The following AGPAT4 variants were observed in gnomAD, a reference collection of about 807,000 sequenced individuals.
AGPAT4 encodes the protein 1-acylglycerol-3-phosphate O-acyltransferase 4, also known as 1-acyl-sn-glycerol-3-phosphate acyltransferase delta.
In AGPAT4, 15 loss-of-function variants were observed where a neutral mutation model predicts 48.0. That is an observed-to-expected ratio of 0.31 (90% CI 0.21 to 0.48). The LOEUF is 0.48. AGPAT4 is among the 20% of genes least tolerant of loss of function. The pLI is 0.99. For missense variants in AGPAT4, 314 were observed against 482.5 expected (o/e 0.65, Z 3.27); for synonymous variants, 178 against 198.7 (o/e 0.90, Z 0.88).
At chr6:161,152,222 G>A (rs1779610546) in intron 5 of AGPAT4, among the ~76,000 whole-genome samples, 1 of 151,922 alleles carries the variant, frequency 6.6e-6, no homozygotes, top group African/African-American at 2.4e-5. Context: ...GAAGAGGGAT[G>A]AGGAAGCAAG....
At position 161,178,381 on chromosome 6, in the gene AGPAT4, C is replaced by A. The variant is rs571472730; in HGVS notation, c.179-11964G>T. ...GCTGCCGCCTTGCAGTTCGATCAGA[C>A]TTCTGTGCTAGCAATGAGCAAGGCT... On this transcript the variant is annotated intron_variant, in intron 2 of 8. Coordinates refer to ENST00000320285, the MANE Select transcript of AGPAT4 (RefSeq NM_020133.3). The surrounding 1 kb of genome is among the most constrained non-coding windows in gnomAD (Gnocchi z 5.1). Among the ~76,000 whole-genome samples the A allele has an allele frequency of 6.6e-6, 1 of 152,358 alleles. No homozygotes were observed. Among genetic ancestry groups the A allele is most frequent in the South Asian group, 2.1e-4 (1 of 4,830 alleles).
Position 161,149,535 on chromosome 6 carries a change from TTTTCTTTTC to T in AGPAT4, c.665-255_665-247del, listed in dbSNP as rs1431450395. Among the ~76,000 whole-genome samples, 28 of 152,112 alleles carry T rather than the reference TTTTCTTTTC, an allele frequency of 1.8e-4. 1 individual carries two copies. Among genetic ancestry groups the T allele is most frequent in the Non-Finnish European group, 2.9e-5 (2 of 68,030 alleles). The stretch of plus-strand genomic sequence containing the variant: ...GGTCATTGCTGAAGTCAGATCATTT[TTTTCTTTTC>T]TTTCTTTTCTTTTTTTTTGGAGATG... On this transcript the variant is annotated intron_variant, in intron 5 of 8. Coordinates refer to ENST00000320285, the MANE Select transcript of AGPAT4 (RefSeq NM_020133.3). The surrounding 1 kb of genome is among the most constrained non-coding windows in gnomAD (Gnocchi z 6.5).
Position 161,166,227 on chromosome 6 carries a change from G to A in AGPAT4, c.348+21C>T, listed in dbSNP as rs1300923633. 3.1e-6 allele frequency: 5 copies of A among 1,611,590 alleles called. No homozygotes were observed. The highest frequency in any genetic ancestry group is 4.2e-6 in the Non-Finnish European group (5 of 1,178,838). On this transcript the variant is annotated intron_variant, in intron 3 of 8. Coordinates refer to ENST00000320285, the MANE Select transcript of AGPAT4 (RefSeq NM_020133.3). This position sits in a 1 kb window ranked among gnomAD's most constrained non-coding sequence, Gnocchi z 6.7. ...AACCAGAGAAATGTGTGAGGCAGGG[G>A]GGAATGCACTTCTGACTTACCCCTA...
In AGPAT4 at chr6:161,177,194, G is replaced by A. The variant is rs967640365; in HGVS notation, c.179-10777C>T. ...CTGAATTTGAATGTTGGCCTGCCTT[G>A]ATAGGTTGGGGAAGTTATCCTGGAT... On this transcript the variant is annotated intron_variant, in intron 2 of 8. Transcript: ENST00000320285. This position sits in a 1 kb window ranked among gnomAD's most constrained non-coding sequence, Gnocchi z 5.0. Among the ~76,000 whole-genome samples the A allele has an allele frequency of 1.3e-5, 2 of 152,176 alleles. No homozygotes were observed. Among genetic ancestry groups the A allele is most frequent in the African/African-American group, 4.8e-5 (2 of 41,438 alleles).
chr6:161,165,331 C>G lies in AGPAT4; in HGVS notation c.348+917G>C, dbSNP rs374554266. Among the ~76,000 whole-genome samples, 44 of 152,274 alleles carry G rather than the reference C, an allele frequency of 2.9e-4. No homozygotes were observed. In the East Asian group the frequency reaches 4.0e-3, roughly 14 times the overall value. On this transcript the variant is annotated intron_variant, in intron 3 of 8. Coordinates refer to ENST00000320285, the MANE Select transcript of AGPAT4 (RefSeq NM_020133.3). The surrounding 1 kb of genome is among the most constrained non-coding windows in gnomAD (Gnocchi z 5.5). ...TTCATCTGCCTCCAGGAACCAGACCCGTCTAGTTCCCTATGTCCTCCATGG... is the reference window on the plus strand; with the variant it reads ...TTCATCTGCCTCCAGGAACCAGACCGGTCTAGTTCCCTATGTCCTCCATGG...
rs1387707305 is a variant in AGPAT4, at chr6:161,154,501, G to A, written c.349-191C>T. Among the ~76,000 whole-genome samples, 5 of 152,282 alleles carry A rather than the reference G, an allele frequency of 3.3e-5. No homozygotes were observed. The South Asian group carries it at 6.2e-4, about 19-fold the overall frequency. On this transcript the variant is annotated intron_variant, in intron 3 of 8. Coordinates refer to ENST00000320285, the MANE Select transcript of AGPAT4 (RefSeq NM_020133.3). This position sits in a 1 kb window ranked among gnomAD's most constrained non-coding sequence, Gnocchi z 7.8. ...CACCTTTCAGCTAGAGGTCCAGGTT[G>A]TGCTTGCCCTGCCAGTGTGGGAGCA... is the stretch of plus-strand genomic sequence containing the variant.
At position 161,137,957 on chromosome 6, in the gene AGPAT4, TCG is replaced by T. The variant is rs1450134376; in HGVS notation, c.1043-1325_1043-1324del. ...GTGCTCAGGCTTCTTTTTTTGGTAC[TCG>T]CTACACAGCTGGGTGGCCCTGTCTG... On this transcript the variant is annotated intron_variant, in intron 8 of 8. Transcript: ENST00000320285. The surrounding 1 kb of genome is among the most constrained non-coding windows in gnomAD (Gnocchi z 6.1). 2.0e-5 allele frequency among the ~76,000 whole-genome samples: 3 copies of T among 152,226 alleles called. No homozygotes were observed. Among genetic ancestry groups the T allele is most frequent in the African/African-American group, 7.2e-5 (3 of 41,466 alleles).
Position 161,154,674 on chromosome 6 carries a change from A to G in AGPAT4, c.349-364T>C, listed in dbSNP as rs1779716012. Among the ~76,000 whole-genome samples the G allele has an allele frequency of 6.6e-6, 1 of 152,184 alleles. No individual in the cohort carries two copies. The highest frequency in any genetic ancestry group is 2.4e-5 in the African/African-American group (1 of 41,450). On this transcript the variant is annotated intron_variant, in intron 3 of 8. Transcript: ENST00000320285. The surrounding 1 kb of genome is among the most constrained non-coding windows in gnomAD (Gnocchi z 7.8). Reference sequence around the variant, plus strand: ...TCACCGTCACATACTCGCTAAGCCCACCGTGCAGCTGTGTGACACTAATTT... The same window carrying G: ...TCACCGTCACATACTCGCTAAGCCCGCCGTGCAGCTGTGTGACACTAATTT...
In AGPAT4 at chr6:161,272,376, G is replaced by C. The variant is rs1783451785; in HGVS notation, c.-90+1562C>G. On this transcript the variant is annotated intron_variant, in intron 1 of 8. Coordinates refer to ENST00000320285, the MANE Select transcript of AGPAT4 (RefSeq NM_020133.3). The surrounding 1 kb of genome is among the most constrained non-coding windows in gnomAD (Gnocchi z 4.2). ...AGATAATTTTAAGAGTCATGAATGGGATTACTACTTATCTATTTTATAAAA... is the reference window on the plus strand; with the variant it reads ...AGATAATTTTAAGAGTCATGAATGGCATTACTACTTATCTATTTTATAAAA... 1.3e-5 allele frequency among the ~76,000 whole-genome samples: 2 copies of C among 152,054 alleles called. No homozygotes were observed. The highest frequency in any genetic ancestry group is 1.3e-4 in the Admixed American group (2 of 15,254).
rs1173113671 is a variant in AGPAT4 at position 161,272,007 on chromosome 6, T to C, written c.-90+1931A>G. ...CATGTGCTTTTCAAAATGAGTGTCA[T>C]ATTCTTTTTAGTAATACTTTTCTGT... On this transcript the variant is annotated intron_variant, in intron 1 of 8. Transcript: ENST00000320285. This position sits in a 1 kb window ranked among gnomAD's most constrained non-coding sequence, Gnocchi z 4.2. Among the ~76,000 whole-genome samples, 3 of 152,246 alleles carry C rather than the reference T, an allele frequency of 2.0e-5. No homozygotes were observed. The highest frequency in any genetic ancestry group is 6.5e-5 in the Admixed American group (1 of 15,290).
chr6:161,211,935 C>A (rs1781532372), intron 2 of AGPAT4, among the ~76,000 whole-genome samples: 1 of 152,140 alleles, frequency 6.6e-6, no homozygotes, highest in South Asian at 2.1e-4. Flanking sequence ...CATTTCAACT[C>A]AAGGCCCAGA....
chr6:161,179,764 CT>C (rs1394151989), intron 2 of AGPAT4, among the ~76,000 whole-genome samples: 2 of 152,152 alleles, frequency 1.3e-5, no homozygotes, highest in Admixed American at 6.5e-5. Context: ...TACATTTTCT[CT>C]TTTTGATGAT....
At position 161,142,589 on chromosome 6, in the gene AGPAT4, G is replaced by A. The variant is rs910071687; in HGVS notation, c.844-2969C>T. On this transcript the variant is annotated intron_variant, in intron 7 of 8. Coordinates refer to ENST00000320285, the MANE Select transcript of AGPAT4 (RefSeq NM_020133.3). The surrounding 1 kb of genome is among the most constrained non-coding windows in gnomAD (Gnocchi z 6.4). The stretch of plus-strand genomic sequence containing the variant: ...CAAAGGCACTAGGGAGGAAGCGTGC[G>A]AAGGAGACGTCCACACAGCACGTCC... Among the ~76,000 whole-genome samples the A allele has an allele frequency of 2.0e-5, 3 of 152,130 alleles. No homozygotes were observed. The highest frequency in any genetic ancestry group is 2.9e-5 in the Non-Finnish European group (2 of 68,038).
chr6:161,258,122 A>T (rs553089605), intron 1 of AGPAT4, among the ~76,000 whole-genome samples: 2 of 152,360 alleles, frequency 1.3e-5, no homozygotes, highest in Non-Finnish European at 2.9e-5. Flanking sequence ...CAACTTTTAA[A>T]AACAAGGAAT....
At position 161,266,175 on chromosome 6, in the gene AGPAT4, G is replaced by A. The variant is rs560227779; in HGVS notation, c.-90+7763C>T. On this transcript the variant is annotated intron_variant, in intron 1 of 8. Transcript: ENST00000320285. This position sits in a 1 kb window ranked among gnomAD's most constrained non-coding sequence, Gnocchi z 6.2. ...AGGCCAGGAATGTGGCTGAGCATCCGATTCTGCACAGGTTGGCCTCTTCCA... is the reference window on the plus strand; with the variant it reads ...AGGCCAGGAATGTGGCTGAGCATCCAATTCTGCACAGGTTGGCCTCTTCCA... 3.9e-5 allele frequency among the ~76,000 whole-genome samples: 6 copies of A among 152,232 alleles called. No individual in the cohort carries two copies. Among genetic ancestry groups the A allele is most frequent in the African/African-American group, 7.2e-5 (3 of 41,536 alleles).
chr6:161,208,652 C>G lies in AGPAT4; in HGVS notation c.178+23384G>C, dbSNP rs1781444145. 6.6e-6 allele frequency among the ~76,000 whole-genome samples: 1 copy of G among 152,126 alleles called. No homozygotes were observed. Among genetic ancestry groups the G allele is most frequent in the Non-Finnish European group, 1.5e-5 (1 of 68,034 alleles). On this transcript the variant is annotated intron_variant, in intron 2 of 8. Transcript: ENST00000320285. The surrounding 1 kb of genome is among the most constrained non-coding windows in gnomAD (Gnocchi z 4.6). ...AACTATCATTCATCACTTAGATCTT[C>G]AAGATTCACAGCAACAGAAAAACAA... is the stretch of plus-strand genomic sequence containing the variant.
intron 2 of AGPAT4, among the ~76,000 whole-genome samples, chr6:161,193,156 A>C (rs891069929): frequency 6.6e-6 from 1 of 152,150 alleles, no homozygotes; most frequent in African/African-American, 2.4e-5. Flanking sequence ...GGACATACTT[A>C]ATCTCTTTCC....
chr6:161,159,352 A>G lies in AGPAT4; in HGVS notation c.349-5042T>C, dbSNP rs1779855613. The stretch of plus-strand genomic sequence containing the variant: ...GCATTATGCAGGTGCCGAGAACTCA[A>G]TGCTGGTTATGATTACCTGTGGCCT... On this transcript the variant is annotated intron_variant, in intron 3 of 8. Coordinates refer to ENST00000320285, the MANE Select transcript of AGPAT4 (RefSeq NM_020133.3). This position sits in a 1 kb window ranked among gnomAD's most constrained non-coding sequence, Gnocchi z 4.1. Among the ~76,000 whole-genome samples the G allele has an allele frequency of 6.6e-6, 1 of 152,134 alleles. No individual in the cohort carries two copies. Among genetic ancestry groups the G allele is most frequent in the African/African-American group, 2.4e-5 (1 of 41,436 alleles).
intron 2 of AGPAT4, among the ~76,000 whole-genome samples, chr6:161,192,703 T>C (rs1356769474): frequency 1.3e-5 from 2 of 152,234 alleles, no homozygotes; most frequent in Non-Finnish European, 2.9e-5. Flanking sequence ...GAGGATATGA[T>C]GGTGAAAAAC....
Sources: gnomAD v4.1 joint callset for allele counts (sites outside exome capture counted in the v4.1 genomes callset) on GRCh38, gnomAD v4.1.1 for gene constraint, Gnocchi (gnomAD v3.1) non-coding constraint, MANE v1.5 for transcripts, NCBI Gene and HGNC (gene_info 2026-07-23, HGNC 2026-07-21) for gene names.